LRIT3: variants seen among roughly 807,000 people sequenced by gnomAD.
LRIT3 encodes the protein leucine rich repeat, Ig-like and transmembrane domains 3, also known as leucine-rich repeat, immunoglobulin-like domain and transmembrane domain-containing protein 3.
Under a neutral mutation model 22.6 loss-of-function variants are expected in LRIT3, and 14 were observed. That is an observed-to-expected ratio of 0.62 (90% CI 0.41 to 0.97). LRIT3 has a LOEUF of 0.97. Among genes scored for constraint, LRIT3 ranks in the 50% least tolerant of loss-of-function variants. The pLI, the probability that LRIT3 is intolerant of heterozygous loss-of-function variation, is 0.00. For synonymous variants in LRIT3, 306 were observed against 304.5 expected, an observed-to-expected ratio of 1.01 and a Z score of -0.05; for missense variants, 783 against 803.0, an observed-to-expected ratio of 0.98 and a Z score of 0.30.
Position 109,869,972 on chromosome 4 carries a change from C to T in LRIT3, c.1223C>T (p.Ala408Val). ...SASTLSPPSTASFSLSPFSSS... is the reference protein window; with the variant it reads ...SASTLSPPSTVSFSLSPFSSS... Reference sequence around the variant, plus strand: ...TCTACTTTGTCTCCTCCCTCTACTGCTTCCTTCTCTTTATCTCCTTTCTCC... The same window carrying T: ...TCTACTTTGTCTCCTCCCTCTACTGTTTCCTTCTCTTTATCTCCTTTCTCC... The change falls in exon 4 of 4, where the codon GCT becomes GTT. Residue 408 changes from alanine to valine, a missense_variant. This residue lies in a region of LRIT3 where 756 missense variants were observed against 753.8 expected (regional missense o/e 1.00). Transcript: ENST00000594814. The T allele has an allele frequency of 6.2e-7, 1 of 1,614,044 alleles. No individual in the cohort carries two copies. Among genetic ancestry groups the T allele is most frequent in the African/African-American group, 1.3e-5 (1 of 75,046 alleles).
chr4:109,869,776 G>GT lies in LRIT3; in HGVS notation c.1028dup (p.Thr344AspfsTer16). Reference sequence around the variant, plus strand: ...TGGGATGTCAGAAGCTGTGGTTACTGTGACAGTGCTTGGCATTACCACAAC... The same window carrying GT: ...TGGGATGTCAGAAGCTGTGGTTACTGTTGACAGTGCTTGGCATTACCACAAC... On this transcript the variant is annotated frameshift_variant, in exon 4 of 4. Transcript: ENST00000594814. LOFTEE classifies it low-confidence loss of function (END_TRUNC). 1 of 1,613,888 alleles carries GT rather than the reference G, an allele frequency of 6.2e-7. No homozygotes were observed. The highest frequency in any genetic ancestry group is 8.5e-7 in the Non-Finnish European group (1 of 1,179,816).
chr4:109,856,769 C>T (rs1460771387), intron 2 of LRIT3, among the ~76,000 whole-genome samples: 2 of 152,188 alleles, frequency 1.3e-5, no homozygotes, highest in South Asian at 4.1e-4. Context: ...ATTTGATTGG[C>T]CAATTTTTGA....
chr4:109,865,328 T>A, intron 2 of LRIT3: 3 of 1,594,530 alleles, frequency 1.9e-6, no homozygotes, highest in South Asian at 1.1e-5. Flanking sequence ...TATATTTAAA[T>A]CTGGCCTTCA....
Position 109,849,026 on chromosome 4 carries a change from AT to A in LRIT3, c.116+719del, listed in dbSNP as rs531906830. Among the ~76,000 whole-genome samples, 395 of 150,534 alleles carry A rather than the reference AT, an allele frequency of 2.6e-3. 1 individual carries two copies. Among genetic ancestry groups the A allele is most frequent in the African/African-American group, 8.9e-3 (364 of 41,058 alleles). On this transcript the variant is annotated intron_variant, in intron 1 of 3. Transcript: ENST00000594814. ...GCTAGCTAAACACAGTAGAACTTGA[AT>A]TTTTTTTTTGAGAGGTTATTTAATA... is the stretch of plus-strand genomic sequence containing the variant.
intron 2 of LRIT3, among the ~76,000 whole-genome samples, chr4:109,860,310 TG>T (rs745645443): frequency 1.3e-5 from 2 of 152,204 alleles, no homozygotes; most frequent in Non-Finnish European, 2.9e-5. Context: ...TGAAGGATGG[TG>T]GCAGCCCTAG....
In LRIT3 at chr4:109,867,626, C is replaced by T; in HGVS notation, c.590-15C>T. 3.7e-6 allele frequency: 6 copies of T among 1,606,856 alleles called. No individual in the cohort carries two copies. The highest frequency in any genetic ancestry group is 5.1e-6 in the Non-Finnish European group (6 of 1,174,692). ...CAGAATAATCTTTGTCAACCTTTCC[C>T]ACCTTCTGTTTTAGGTCTACAGGAC... On this transcript the variant is annotated splice_polypyrimidine_tract_variant and intron_variant, in intron 2 of 3. Transcript: ENST00000594814.
intron 2 of LRIT3, among the ~76,000 whole-genome samples, chr4:109,860,118 A>G (rs1261369555): frequency 2.0e-5 from 3 of 152,208 alleles, no homozygotes; most frequent in African/African-American, 7.2e-5. Flanking sequence ...CCTGTTTCTT[A>G]AGATTAAGTA....
In LRIT3 at chr4:109,869,519, T is replaced by C. The variant is rs556675296; in HGVS notation, c.896-126T>C. The stretch of plus-strand genomic sequence containing the variant: ...CACCCACTGTCAGAGACTTGCAGGG[T>C]GCCATTTCCCTCTTGGCTTCTGTGA... On this transcript the variant is annotated intron_variant, in intron 3 of 3. Coordinates refer to ENST00000594814, the MANE Select transcript of LRIT3 (RefSeq NM_198506.5). The C allele has an allele frequency of 1.7e-4, 150 of 859,078 alleles. 2 individuals carry two copies. The South Asian group carries it at 2.9e-3, about 17-fold the overall frequency. 53.2% of individuals were successfully genotyped at this position (859,078 alleles called of 1,614,324 possible). A position where few individuals can be genotyped will look rare whatever the true frequency, so the allele number is the denominator to read the frequency against.
intron 2 of LRIT3, among the ~76,000 whole-genome samples, chr4:109,863,664 T>G (rs903727873): frequency 6.6e-6 from 1 of 152,230 alleles, no homozygotes; most frequent in Admixed American, 6.5e-5. Flanking sequence ...ATAATAAAGA[T>G]GTCTCCCTTC....
intron 1 of LRIT3, among the ~76,000 whole-genome samples, chr4:109,850,402 C>CTTTCTTTCTCTTTCTTTCTTTCTTT (rs1560588814): frequency 6.5e-3 from 5 of 772 alleles, no homozygotes; most frequent in African/African-American, 7.7e-3. Flanking sequence ...TTCCTTCCTT[C>CTTTCTTTCTCTTTCTTTCTTTCTTT]CTTCCTTCCT....
chr4:109,861,207 A>G (rs534336619), intron 2 of LRIT3, among the ~76,000 whole-genome samples: 1 of 152,060 alleles, frequency 6.6e-6, no homozygotes, highest in East Asian at 1.9e-4. Flanking sequence ...TGCCTCTACT[A>G]AAAAATACAA....
chr4:109,854,356 A>G (rs1006668979), intron 2 of LRIT3, among the ~76,000 whole-genome samples: 15 of 152,180 alleles, frequency 9.9e-5, no homozygotes, highest in Non-Finnish European at 2.2e-4. Flanking sequence ...CCAATTGTGA[A>G]TGGGAATTCA....
chr4:109,866,386 A>G (rs1734680987), intron 2 of LRIT3, among the ~76,000 whole-genome samples: 1 of 152,184 alleles, frequency 6.6e-6, no homozygotes, highest in Non-Finnish European at 1.5e-5. Flanking sequence ...GCTCCATCTT[A>G]GATCCTTCTG....
intron 2 of LRIT3, 54 bp downstream of exon 2, chr4:109,852,030 C>A (rs574548892): frequency 1.4e-6 from 2 of 1,426,548 alleles, no homozygotes; most frequent in East Asian, 2.5e-5. Context: ...CTATGCATAG[C>A]TTTTTTTGTC....
At chr4:109,857,175 A>G (rs1333464417) in intron 2 of LRIT3, among the ~76,000 whole-genome samples, 2 of 151,930 alleles carry the variant, frequency 1.3e-5, no homozygotes, top group Admixed American at 1.3e-4. Context: ...CTAATAACAT[A>G]TATGGTGGTT....
chr4:109,849,908 C>T (rs1475125623), intron 1 of LRIT3, among the ~76,000 whole-genome samples: 10 of 152,160 alleles, frequency 6.6e-5, no homozygotes, highest in African/African-American at 9.7e-5. Context: ...CCACCGCACC[C>T]GGCCAATACT....
intron 2 of LRIT3, among the ~76,000 whole-genome samples, chr4:109,855,945 G>A (rs1275659735): frequency 1.3e-5 from 2 of 152,164 alleles, no homozygotes; most frequent in Non-Finnish European, 2.9e-5. Context: ...TAGAAGAGCT[G>A]TGGCAAGATG....
At chr4:109,862,803 C>A (rs1300455101) in intron 2 of LRIT3, among the ~76,000 whole-genome samples, 1 of 152,154 alleles carries the variant, frequency 6.6e-6, no homozygotes, top group Non-Finnish European at 1.5e-5. Context: ...CTCAACTCAG[C>A]CTCCTGGTAG....
chr4:109,863,807 A>G (rs183721538), intron 2 of LRIT3, among the ~76,000 whole-genome samples: 12 of 152,316 alleles, frequency 7.9e-5, no homozygotes. Flanking sequence ...TCAGTGCTAA[A>G]AGCAAGAAAG....
Sources: gnomAD v4.1 joint callset for allele counts (sites outside exome capture counted in the v4.1 genomes callset) on GRCh38, gnomAD v4.1.1 for gene constraint, gnomAD v4.1.1 regional missense constraint, MANE v1.5 for transcripts, NCBI Gene and HGNC (gene_info 2026-07-23, HGNC 2026-07-21) for gene names.